SGMS1: variants seen among roughly 807,000 people sequenced by gnomAD.
SGMS1 encodes phosphatidylcholine:ceramide cholinephosphotransferase 1.
A neutral mutation model predicts 46.2 loss-of-function variants in SGMS1; 13 were observed. The ratio of observed to expected loss-of-function variants is 0.28; its 90% CI spans 0.18 to 0.45. SGMS1 has a LOEUF of 0.45. SGMS1 is among the 20% of genes least tolerant of loss of function. The probability of loss-of-function intolerance (pLI) is 1.00; values close to 1 mark genes in which losing one functional copy is unlikely to be tolerated. For missense variants in SGMS1, 324 were observed against 519.9 expected (o/e 0.62, Z 3.66); for synonymous variants, 203 against 187.8 (o/e 1.08, Z -0.66).
intron 2 of SGMS1, among the ~76,000 whole-genome samples, chr10:50,545,505 C>G (rs754587015): frequency 6.6e-6 from 1 of 151,482 alleles, no homozygotes; most frequent in Non-Finnish European, 1.5e-5. Context: ...GGTGTGATCT[C>G]GGCTCACTGC....
chr10:50,593,114 G>A (rs1421508669), intron 1 of SGMS1, among the ~76,000 whole-genome samples: 1 of 152,232 alleles, frequency 6.6e-6, no homozygotes, highest in African/African-American at 2.4e-5. Context: ...CGCTCAAGAA[G>A]CTCTGCAGAG....
intron 8 of SGMS1, among the ~76,000 whole-genome samples, chr10:50,315,475 G>C (rs1847325023): frequency 6.6e-6 from 1 of 152,036 alleles, no homozygotes; most frequent in Non-Finnish European, 1.5e-5. Context: ...ATGGAAAAAA[G>C]AAAAGAAAAG....
At chr10:50,566,715 G>A (rs1838290962) in intron 2 of SGMS1, among the ~76,000 whole-genome samples, 1 of 152,102 alleles carries the variant, frequency 6.6e-6, no homozygotes, top group Non-Finnish European at 1.5e-5. Context: ...TACACAGTAC[G>A]GTGGTCCCTC....
chr10:50,507,778 A>C (rs867178026), intron 3 of SGMS1, among the ~76,000 whole-genome samples: 29 of 152,304 alleles, frequency 1.9e-4, no homozygotes, highest in Middle Eastern at 3.4e-3. Flanking sequence ...AATTACACGC[A>C]CTTAGTGACA....
chr10:50,541,742 G>C (rs1244636773), intron 2 of SGMS1, among the ~76,000 whole-genome samples: 1 of 152,170 alleles, frequency 6.6e-6, no homozygotes, highest in African/African-American at 2.4e-5. Flanking sequence ...GTTGTTTTGA[G>C]TTTAATCAAG....
chr10:50,476,275 A>T, intron 3 of SGMS1, among the ~76,000 whole-genome samples: 1 of 141,906 alleles, frequency 7.0e-6, no homozygotes, highest in South Asian at 2.5e-4. Context: ...CTCTGTCTCA[A>T]AATAAAAAAG....
Position 50,623,929 on chromosome 10 carries a change from C to T in SGMS1, c.-906G>A. On this transcript the variant is annotated 5_prime_UTR_variant, in exon 1 of 11. Coordinates refer to ENST00000361781, the MANE Select transcript of SGMS1 (RefSeq NM_147156.4). ...GCTGCCCCGCTGGTGCGAACGCTTT[C>T]GACTTGCCACCGCGAGCCTCCCGGG... 1 of 986,492 alleles carries T rather than the reference C, an allele frequency of 1.0e-6. No individual in the cohort carries two copies. Among genetic ancestry groups the T allele is most frequent in the African/African-American group, 1.7e-5 (1 of 57,386 alleles). 61.1% of individuals were successfully genotyped at this position (986,492 alleles called of 1,614,324 possible).
intron 3 of SGMS1, among the ~76,000 whole-genome samples, chr10:50,477,851 A>C (rs1837441508): frequency 6.6e-6 from 1 of 152,150 alleles, no homozygotes; most frequent in Admixed American, 6.6e-5. Flanking sequence ...AAGTTTCCTA[A>C]GGCCTCCCCA....
chr10:50,535,124 C>T (rs182884129), intron 2 of SGMS1, among the ~76,000 whole-genome samples: 7 of 151,790 alleles, frequency 4.6e-5, no homozygotes, highest in South Asian at 4.2e-4. Context: ...CCCAGCTACT[C>T]GGGAGCCTGA....
intron 1 of SGMS1, 100 bp from the exon 2 acceptor site, chr10:50,590,347 T>C (rs1838528885): frequency 6.6e-6 from 1 of 152,302 alleles, no homozygotes; most frequent in Non-Finnish European, 1.5e-5. Flanking sequence ...GATAAGCCTC[T>C]AAATTTAAAT....
intron 6 of SGMS1, among the ~76,000 whole-genome samples, chr10:50,370,299 GTT>G (rs1238578231): frequency 6.6e-6 from 1 of 151,848 alleles, no homozygotes; most frequent in African/African-American, 2.4e-5. Context: ...TTTTTAAAAT[GTT>G]TTGACTCCTT....
chr10:50,582,697 G>A (rs1588883830), intron 2 of SGMS1, among the ~76,000 whole-genome samples: 1 of 152,274 alleles, frequency 6.6e-6, no homozygotes, highest in Non-Finnish European at 1.5e-5. Flanking sequence ...TGGGGGCACC[G>A]TTCATGTGGG....
chr10:50,341,612 C>T (rs375064849), intron 7 of SGMS1, among the ~76,000 whole-genome samples: 24 of 152,096 alleles, frequency 1.6e-4, no homozygotes, highest in Middle Eastern at 3.2e-3. Flanking sequence ...GTCATTATTC[C>T]GTTTGTGAGA....
intron 4 of SGMS1, among the ~76,000 whole-genome samples, chr10:50,461,398 G>A (rs775958469): frequency 6.6e-6 from 1 of 152,028 alleles, no homozygotes; most frequent in African/African-American, 2.4e-5. Context: ...GAACAAAGAG[G>A]GCTGTTCATT....
rs1837843146 is a variant in SGMS1 at position 50,519,923 on chromosome 10, T to G, written c.-588-2A>C. On this transcript the variant is annotated splice_acceptor_variant, in intron 2 of 10. Coordinates refer to ENST00000361781, the MANE Select transcript of SGMS1 (RefSeq NM_147156.4). LOFTEE classifies it low-confidence loss of function (5UTR_SPLICE). ...CTCCTTCAGTCGCTGAAGCTTTACC[T>G]GGAATAATAAGGGCAGAAAATGAGG... is the stretch of plus-strand genomic sequence containing the variant. 1 of 152,272 alleles carries G rather than the reference T, an allele frequency of 6.6e-6. No individual in the cohort carries two copies. Among genetic ancestry groups the G allele is most frequent in the South Asian group, 2.1e-4 (1 of 4,818 alleles). 9.4% of individuals were successfully genotyped at this position (152,272 alleles called of 1,614,324 possible).
intron 2 of SGMS1, among the ~76,000 whole-genome samples, chr10:50,556,634 C>T (rs544301097): frequency 1.3e-5 from 2 of 152,256 alleles, no homozygotes; most frequent in Admixed American, 6.5e-5. Flanking sequence ...ACCCCGTAGG[C>T]CCGCACAGAC....
chr10:50,622,524 A>T (rs1235084444), intron 1 of SGMS1, among the ~76,000 whole-genome samples: 1 of 152,206 alleles, frequency 6.6e-6, no homozygotes, highest in Non-Finnish European at 1.5e-5. Context: ...TAACCTGTCC[A>T]AACAGCTTTA....
chr10:50,507,214 C>G (rs1372738717), intron 3 of SGMS1, among the ~76,000 whole-genome samples: 1 of 152,170 alleles, frequency 6.6e-6, no homozygotes, highest in African/African-American at 2.4e-5. Context: ...ATAAGTGTGT[C>G]AAGTCAAGCT....
chr10:50,471,324 A>C (rs1837376966), intron 3 of SGMS1, among the ~76,000 whole-genome samples: 1 of 152,192 alleles, frequency 6.6e-6, no homozygotes, highest in South Asian at 2.1e-4. Context: ...ATGAAAGAGC[A>C]GCTTCCCTGA....
Sources: gnomAD v4.1 joint callset for allele counts (sites outside exome capture counted in the v4.1 genomes callset) on GRCh38, gnomAD v4.1.1 for gene constraint, MANE v1.5 for transcripts, NCBI Gene and HGNC (gene_info 2026-07-23, HGNC 2026-07-21) for gene names.